The following FAM13A variants were observed in gnomAD, a reference collection of about 807,000 sequenced individuals.
FAM13A encodes the protein protein FAM13A.
A neutral mutation model predicts 129.6 loss-of-function variants in FAM13A; 76 were observed. That is an observed-to-expected ratio of 0.59 (90% CI 0.49 to 0.71). The LOEUF is 0.71. Among genes scored for constraint, FAM13A ranks in the 30% least tolerant of loss-of-function variants. The pLI, the probability that FAM13A is intolerant of heterozygous loss-of-function variation, is 0.00. For missense variants in FAM13A, 1,108 were observed against 1,249.3 expected (o/e 0.89, Z 1.70); for synonymous variants, 443 against 449.9 (o/e 0.98, Z 0.20).
intron 3 of FAM13A, among the ~76,000 whole-genome samples, chr4:88,996,138 G>A (rs568157532): frequency 1.3e-5 from 2 of 152,338 alleles, no homozygotes; most frequent in South Asian, 2.1e-4. Flanking sequence ...GTGAGTAGCA[G>A]GAGATGAAGT....
Position 88,727,039 on chromosome 4 carries a change from G to A in FAM13A, c.*1494C>T, listed in dbSNP as rs993372289. The A allele has an allele frequency of 6.6e-6, 1 of 152,256 alleles. No homozygotes were observed. The highest frequency in any genetic ancestry group is 1.5e-5 in the Non-Finnish European group (1 of 68,046). 9.4% of individuals were successfully genotyped at this position (152,256 alleles called of 1,614,324 possible). A position where few individuals can be genotyped will look rare whatever the true frequency, so the allele number is the denominator to read the frequency against. On this transcript the variant is annotated 3_prime_UTR_variant, in exon 24 of 24. Coordinates refer to ENST00000264344, the MANE Select transcript of FAM13A (RefSeq NM_014883.4). ...CACGACCCTTTAAAACTGAAAACGGGTCAGTATAGTTTTACATTCTTTTTC... is the reference window on the plus strand; with the variant it reads ...CACGACCCTTTAAAACTGAAAACGGATCAGTATAGTTTTACATTCTTTTTC...
intron 7 of FAM13A, among the ~76,000 whole-genome samples, chr4:88,835,826 G>A (rs572831075): frequency 1.3e-5 from 2 of 152,014 alleles, no homozygotes; most frequent in Non-Finnish European, 2.9e-5. Flanking sequence ...ATAAAGATGA[G>A]GCTTCACTCA....
chr4:88,758,634 A>G, intron 14 of FAM13A, 120 bp downstream of exon 14: 1 of 991,718 alleles, frequency 1.0e-6, no homozygotes, highest in Non-Finnish European at 1.5e-6. Flanking sequence ...TTGGAAATGC[A>G]GTTACTTCTG....
chr4:88,764,009 A>G (rs900369320), intron 13 of FAM13A, among the ~76,000 whole-genome samples: 1 of 152,224 alleles, frequency 6.6e-6, no homozygotes, highest in Non-Finnish European at 1.5e-5. Flanking sequence ...AGTCAAAATA[A>G]CAGTCATCCA....
intron 3 of FAM13A, among the ~76,000 whole-genome samples, chr4:89,016,395 A>T (rs1766494230): frequency 6.6e-6 from 1 of 152,176 alleles, no homozygotes; most frequent in Admixed American, 6.5e-5. Flanking sequence ...GCTAAGGTCT[A>T]TTACTGAAGA....
At chr4:88,741,909 TA>T (rs1228331138) in intron 19 of FAM13A, among the ~76,000 whole-genome samples, 1 of 152,158 alleles carries the variant, frequency 6.6e-6, no homozygotes, top group African/African-American at 2.4e-5. Flanking sequence ...AAACAGAAAT[TA>T]AGTGACTTGT....
intron 1 of FAM13A, among the ~76,000 whole-genome samples, chr4:89,050,470 T>G (rs1211524379): frequency 1.3e-5 from 2 of 152,030 alleles, no homozygotes; most frequent in African/African-American, 4.8e-5. Flanking sequence ...CATCCCAAAG[T>G]GCTGGGATTA....
At chr4:88,730,464 C>T (rs1737442997) in intron 23 of FAM13A, among the ~76,000 whole-genome samples, 1 of 152,174 alleles carries the variant, frequency 6.6e-6, no homozygotes, top group African/African-American at 2.4e-5. Flanking sequence ...GTGATCTCGG[C>T]TCACTGCAAC....
chr4:89,023,106 G>A (rs982861565), intron 2 of FAM13A, among the ~76,000 whole-genome samples: 2 of 152,296 alleles, frequency 1.3e-5, no homozygotes, highest in African/African-American at 4.8e-5. Context: ...AATTTGTTAT[G>A]CAGCAAATGG....
chr4:88,799,554 G>A (rs1207497833), intron 8 of FAM13A, among the ~76,000 whole-genome samples: 3 of 151,560 alleles, frequency 2.0e-5, no homozygotes, highest in Admixed American at 6.6e-5. Context: ...GCACAATCTC[G>A]GCTCACTGCA....
intron 6 of FAM13A, among the ~76,000 whole-genome samples, chr4:88,899,057 G>GGT (rs556365027): frequency 2.0e-5 from 3 of 151,234 alleles, no homozygotes; most frequent in Non-Finnish European, 3.0e-5. Context: ...AAGAAACTGT[G>GGT]GTGTGTGTGT....
At chr4:88,972,621 G>T (rs533433939) in intron 4 of FAM13A, among the ~76,000 whole-genome samples, 3 of 150,522 alleles carry the variant, frequency 2.0e-5, no homozygotes, top group Non-Finnish European at 4.4e-5. Flanking sequence ...TTTTTTTTGG[G>T]GGGGAGAACA....
intron 7 of FAM13A, among the ~76,000 whole-genome samples, chr4:88,841,370 T>G (rs1432505037): frequency 1.3e-5 from 2 of 151,918 alleles, no homozygotes. Flanking sequence ...GGCATGCGCC[T>G]GTAATCCCAG....
chr4:88,834,905 C>T (rs1734553833), intron 7 of FAM13A, among the ~76,000 whole-genome samples: 1 of 151,968 alleles, frequency 6.6e-6, no homozygotes, highest in East Asian at 1.9e-4. Flanking sequence ...TCTTCCATTC[C>T]CCTTCACCCT....
At chr4:88,962,130 A>G (rs1387245034) in intron 4 of FAM13A, among the ~76,000 whole-genome samples, 1 of 152,006 alleles carries the variant, frequency 6.6e-6, no homozygotes, top group Non-Finnish European at 1.5e-5. Flanking sequence ...TACAATTATT[A>G]TTTGTCAATT....
At chr4:88,926,636 C>T (rs916497890) in intron 5 of FAM13A, among the ~76,000 whole-genome samples, 8 of 152,204 alleles carry the variant, frequency 5.3e-5, no homozygotes, top group Admixed American at 2.0e-4. Flanking sequence ...TAGTGTTTAC[C>T]TATAATCGCT....
At chr4:88,875,837 C>T (rs1742326200) in intron 6 of FAM13A, among the ~76,000 whole-genome samples, 1 of 152,132 alleles carries the variant, frequency 6.6e-6, no homozygotes, top group Non-Finnish European at 1.5e-5. Context: ...AAGATACTTG[C>T]ACACGTATGT....
intron 1 of FAM13A, among the ~76,000 whole-genome samples, chr4:89,041,921 A>G (rs1473438962): frequency 6.7e-6 from 1 of 149,830 alleles, no homozygotes; most frequent in African/African-American, 2.4e-5. Flanking sequence ...CTCTGCCTCA[A>G]AAAAAAAAAG....
At chr4:88,789,501 A>G (rs1280083102) in intron 9 of FAM13A, among the ~76,000 whole-genome samples, 1 of 152,158 alleles carries the variant, frequency 6.6e-6, no homozygotes, top group East Asian at 1.9e-4. Context: ...CTCATGTCCC[A>G]GCAAGTAAGG....
Sources: gnomAD v4.1 joint callset for allele counts (sites outside exome capture counted in the v4.1 genomes callset) on GRCh38, gnomAD v4.1.1 for gene constraint, MANE v1.5 for transcripts, NCBI Gene and HGNC (gene_info 2026-07-23, HGNC 2026-07-21) for gene names.